The following NTRK2 variants were observed in gnomAD, a reference collection of about 807,000 sequenced individuals.
NTRK2 encodes BDNF/NT-3 growth factors receptor.
In NTRK2, 13 loss-of-function variants were observed where a neutral mutation model predicts 94.5. The observed-to-expected ratio is 0.14, with a 90% CI of 0.09 to 0.22. The LOEUF (loss-of-function observed/expected upper bound fraction) is 0.22, where lower values mean the gene tolerates loss of function less well. Ranked by LOEUF, NTRK2 falls within the 10% of genes least tolerant of loss-of-function variation. NTRK2 has a pLI of 1.00. For synonymous variants in NTRK2, 372 were observed against 407.4 expected, an observed-to-expected ratio of 0.91 and a Z score of 1.05; for missense variants, 639 against 1,071.2, an observed-to-expected ratio of 0.60 and a Z score of 5.63.
intron 17 of NTRK2, among the ~76,000 whole-genome samples, chr9:84,973,526 C>T (rs183328636): frequency 4.3e-4 from 66 of 152,306 alleles, no homozygotes; most frequent in Middle Eastern, 3.4e-3. Context: ...ACCCCAAAAC[C>T]CTTTCAAATA....
intron 17 of NTRK2, among the ~76,000 whole-genome samples, chr9:84,974,678 G>C (rs1443228801): frequency 2.6e-5 from 4 of 152,190 alleles, no homozygotes; most frequent in African/African-American, 7.2e-5. Context: ...ATTTTCCCAA[G>C]TACCAACCTA....
intron 14 of NTRK2, among the ~76,000 whole-genome samples, chr9:84,919,169 G>T (rs554192997): frequency 5.9e-5 from 9 of 152,128 alleles, no homozygotes; most frequent in East Asian, 1.9e-4. Flanking sequence ...TCCCTACTTT[G>T]CCTCTCTGCC....
chr9:84,686,995 G>A (rs556803875), intron 2 of NTRK2, among the ~76,000 whole-genome samples: 7 of 152,118 alleles, frequency 4.6e-5, no homozygotes, highest in East Asian at 1.9e-4. Flanking sequence ...TTCATAATAC[G>A]TATACAAATG....
Position 84,969,516 on chromosome 9 carries a change from G to A in NTRK2, c.2172+13999G>A, listed in dbSNP as rs190452585. 1.5e-4 allele frequency among the ~76,000 whole-genome samples: 23 copies of A among 152,324 alleles called. No individual in the cohort carries two copies. The East Asian group carries it at 4.0e-3, about 27-fold the overall frequency. ...ATATACAGCATTACAAAAGAACAGC[G>A]TTGCATTCAGCATAGTTATAAAATG... On this transcript the variant is annotated intron_variant, in intron 17 of 18. Transcript: ENST00000277120.
intron 4 of NTRK2, among the ~76,000 whole-genome samples, chr9:84,707,194 T>C (rs1202835857): frequency 6.6e-6 from 1 of 152,178 alleles, no homozygotes; most frequent in Non-Finnish European, 1.5e-5. Context: ...ATATATCTTT[T>C]TATTGTCTGG....
chr9:84,877,416 C>T, intron 14 of NTRK2: 4 of 1,065,988 alleles, frequency 3.8e-6, no homozygotes, highest in Non-Finnish European at 4.5e-6. Flanking sequence ...AGAGAGGGGA[C>T]TTTGAGTGGG....
chr9:84,720,267 C>T (rs2061978005), intron 6 of NTRK2, among the ~76,000 whole-genome samples: 1 of 152,136 alleles, frequency 6.6e-6, no homozygotes, highest in South Asian at 2.1e-4. Context: ...GGTGACTGCA[C>T]CTCTCCTGCC....
intron 12 of NTRK2, chr9:84,811,195 A>T (rs1359745718): frequency 3.8e-6 from 4 of 1,062,616 alleles, no homozygotes; most frequent in Middle Eastern, 4.1e-4. Flanking sequence ...TATTTCCTTC[A>T]CTGTCAATAA....
At chr9:84,821,991 CAGAG>C (rs2072878152) in intron 12 of NTRK2, among the ~76,000 whole-genome samples, 1 of 152,176 alleles carries the variant, frequency 6.6e-6, no homozygotes, top group Admixed American at 6.5e-5. Context: ...GTTTGGGATA[CAGAG>C]AGTGACAACC....
At chr9:84,821,815 TAGAGAGAGAGAGAGAGAGAG>T (rs55923826) in intron 12 of NTRK2, among the ~76,000 whole-genome samples, 2 of 147,368 alleles carry the variant, frequency 1.4e-5, no homozygotes, top group South Asian at 2.2e-4. Flanking sequence ...GGGAGAGAAG[TAGAGAGAGAGAGAGAGAGAG>T]AGAGAGAGAG....
At chr9:84,969,322 T>G (rs774041863) in intron 17 of NTRK2, among the ~76,000 whole-genome samples, 7 of 152,258 alleles carry the variant, frequency 4.6e-5, no homozygotes, top group Non-Finnish European at 1.0e-4. Flanking sequence ...CATATGTATT[T>G]GCCTGAGCAT....
intron 12 of NTRK2, among the ~76,000 whole-genome samples, chr9:84,858,232 G>A (rs2075159243): frequency 6.6e-6 from 1 of 151,864 alleles, no homozygotes; most frequent in Non-Finnish European, 1.5e-5. Context: ...CCAATCTCTT[G>A]CCTTAATTTT....
intron 17 of NTRK2, among the ~76,000 whole-genome samples, chr9:85,008,521 A>G (rs1831215198): frequency 6.6e-6 from 1 of 152,232 alleles, no homozygotes; most frequent in African/African-American, 2.4e-5. Flanking sequence ...GATTTATCAC[A>G]TGTGGATTGG....
At chr9:84,876,268 G>T (rs2132157326) in intron 14 of NTRK2, 1 of 1,044,170 alleles carries the variant, frequency 9.6e-7, no homozygotes, top group East Asian at 5.6e-5. Context: ...AAAACAGCTA[G>T]TCTCCACTTT....
At chr9:84,688,232 T>C (rs2059835453) in intron 2 of NTRK2, among the ~76,000 whole-genome samples, 1 of 152,198 alleles carries the variant, frequency 6.6e-6, no homozygotes, top group African/African-American at 2.4e-5. Context: ...AACAGAGTGA[T>C]GGACTCCAAA....
rs949266650 is a variant in NTRK2, at chr9:84,710,626, G to C, written c.429-11G>C. The C allele has an allele frequency of 1.2e-6, 2 of 1,613,942 alleles. No homozygotes were observed. The highest frequency in any genetic ancestry group is 1.3e-5 in the African/African-American group (1 of 74,908). ...AGGAACTTGATCTGTTGTCATTTTT[G>C]TTCCCTGTAGGATCCTGGTGGGCAA... On this transcript the variant is annotated splice_polypyrimidine_tract_variant and intron_variant, in intron 5 of 18. Coordinates refer to ENST00000277120, the MANE Select transcript of NTRK2 (RefSeq NM_006180.6).
intron 14 of NTRK2, among the ~76,000 whole-genome samples, chr9:84,922,158 G>A (rs377111722): frequency 9.2e-5 from 14 of 152,280 alleles, no homozygotes; most frequent in African/African-American, 3.4e-4. Context: ...TGATTCAACC[G>A]AAATAGTTTT....
Position 84,727,940 on chromosome 9 carries a change from C to A in NTRK2, c.1140C>A (p.Gly380=). The A allele has an allele frequency of 6.2e-7, 1 of 1,614,092 alleles. No homozygotes were observed. ...AACAGATTTCTGCTCACTTCATGGG[C>A]TGGCCTGGAATTGACGATGGTGAGT... ...DEKQISAHFM[G]WPGIDDGANP... Residue 380 remains glycine (G), a synonymous_variant, in exon 9 of 19, where the codon GGC becomes GGA. Transcript: ENST00000277120.
At chr9:84,769,788 AG>A (rs2066360698) in intron 12 of NTRK2, among the ~76,000 whole-genome samples, 1 of 152,208 alleles carries the variant, frequency 6.6e-6, no homozygotes, top group Admixed American at 6.5e-5. Context: ...TGATGCCTGA[AG>A]GCAAACCTTC....
Sources: gnomAD v4.1 joint callset for allele counts (sites outside exome capture counted in the v4.1 genomes callset) on GRCh38, gnomAD v4.1.1 for gene constraint, MANE v1.5 for transcripts, NCBI Gene and HGNC (gene_info 2026-07-23, HGNC 2026-07-21) for gene names.